SKP1: variants seen among roughly 807,000 people sequenced by gnomAD.
SKP1 encodes the protein S-phase kinase associated protein 1.
In SKP1, 1 loss-of-function variant was observed where a neutral mutation model predicts 21.5. That is an observed-to-expected ratio of 0.05 (90% CI 0.02 to 0.22). The LOEUF is 0.22. Among genes scored for constraint, SKP1 ranks in the 10% least tolerant of loss-of-function variants. The pLI is 1.00. For synonymous variants in SKP1, 59 were observed against 59.3 expected, an observed-to-expected ratio of 0.99 and a Z score of 0.03; for missense variants, 70 against 192.0, an observed-to-expected ratio of 0.36 and a Z score of 3.76.
intron 2 of SKP1, among the ~76,000 whole-genome samples, chr5:134,168,574 A>T (rs745587284): frequency 2.0e-5 from 3 of 152,202 alleles, no homozygotes; most frequent in Non-Finnish European, 2.9e-5. Flanking sequence ...GTTAAAGAAC[A>T]TGGGTTAAGG....
chr5:134,157,890 GAAC>G (rs1761148126), intron 5 of SKP1, 122 bp from the exon 6 acceptor site: 11 of 1,596,386 alleles, frequency 6.9e-6, no homozygotes, highest in African/African-American at 4.0e-5. Flanking sequence ...TGGAAAATTA[GAAC>G]AACACCAGGT....
At chr5:134,170,973 T>C (rs915178552) in intron 2 of SKP1, 1 of 454,226 alleles carries the variant, frequency 2.2e-6, no homozygotes, top group East Asian at 6.9e-5. Context: ...GACACTTGGA[T>C]TGCTTTCAGT....
chr5:134,172,688 A>T (rs1265740199), intron 2 of SKP1, among the ~76,000 whole-genome samples: 2 of 152,008 alleles, frequency 1.3e-5, no homozygotes, highest in South Asian at 2.1e-4. Context: ...TGCGAGAACA[A>T]CCAGGGTAAC....
intron 3 of SKP1, chr5:134,161,333 G>A: frequency 2.1e-6 from 1 of 472,382 alleles, no homozygotes; most frequent in Non-Finnish European, 3.7e-6. Context: ...ATAAAAGCAA[G>A]CCATGCAGAC....
At chr5:134,172,493 A>G (rs1382316916) in intron 2 of SKP1, among the ~76,000 whole-genome samples, 1 of 152,180 alleles carries the variant, frequency 6.6e-6, no homozygotes, top group Non-Finnish European at 1.5e-5. Flanking sequence ...CTGTTTTCTA[A>G]GTCACTTCCT....
At chr5:134,163,306 C>T (rs1761256749) in intron 3 of SKP1, among the ~76,000 whole-genome samples, 1 of 149,884 alleles carries the variant, frequency 6.7e-6, no homozygotes, top group South Asian at 2.1e-4. Context: ...AAACTAATGC[C>T]TAGGTTCACA....
At chr5:134,165,459 G>A (rs1278453960) in intron 3 of SKP1, among the ~76,000 whole-genome samples, 3 of 151,600 alleles carry the variant, frequency 2.0e-5, no homozygotes, top group African/African-American at 4.9e-5. Flanking sequence ...GCATGGTAGC[G>A]GGTGTCTGTA....
rs1561715514 is a variant in SKP1 at position 134,151,611 on chromosome 5, A to T, written c.*6122T>A. On this transcript the variant is annotated 3_prime_UTR_variant, in exon 6 of 6. Coordinates refer to ENST00000353411, the MANE Select transcript of SKP1 (RefSeq NM_170679.3). ...GCTATATAGCAGGTTGAAAATTTGA[A>T]GTTAAGAGATATCAGAAGGTCTGAA... 2.2e-6 allele frequency: 1 copy of T among 453,072 alleles called. No individual in the cohort carries two copies. Among genetic ancestry groups the T allele is most frequent in the Admixed American group, 2.4e-5 (1 of 42,150 alleles). The allele number at this position is 453,072 out of a possible 1,614,324, so 28.1% of individuals were successfully genotyped here. A position where few individuals can be genotyped will look rare whatever the true frequency, so the allele number is the denominator to read the frequency against.
At chr5:134,161,179 T>G (rs1193536440) in intron 3 of SKP1, 49 bp from the exon 4 acceptor site, 3 of 1,505,670 alleles carry the variant, frequency 2.0e-6, no homozygotes, top group Non-Finnish European at 2.7e-6. Flanking sequence ...CACAAGGTAC[T>G]CATTCCACTG....
Position 134,151,709 on chromosome 5 carries a change from C to T in SKP1, c.*6024G>A. ...GTCGCAAGAACTACAGATGTGGAAGCAGACACTGTTATGAGCAACTACATT... is the reference window on the plus strand; with the variant it reads ...GTCGCAAGAACTACAGATGTGGAAGTAGACACTGTTATGAGCAACTACATT... On this transcript the variant is annotated 3_prime_UTR_variant, in exon 6 of 6. Transcript: ENST00000353411. 2.2e-6 allele frequency: 1 copy of T among 456,108 alleles called. No individual in the cohort carries two copies. The highest frequency in any genetic ancestry group is 1.5e-5 in the South Asian group (1 of 64,558). The allele number at this position is 456,108 out of a possible 1,614,324, so 28.3% of individuals were successfully genotyped here.
intron 1 of SKP1, among the ~76,000 whole-genome samples, 155 bp from the exon 2 acceptor site, chr5:134,174,177 T>C (rs891492337): frequency 1.3e-5 from 2 of 152,244 alleles, no homozygotes; most frequent in Non-Finnish European, 2.9e-5. Context: ...TAAGCAGTTA[T>C]TCACAAGTTA....
intron 3 of SKP1, among the ~76,000 whole-genome samples, chr5:134,162,184 T>G (rs1335857150): frequency 6.6e-6 from 1 of 152,180 alleles, no homozygotes; most frequent in East Asian, 1.9e-4. Context: ...CATGGCTCAC[T>G]CGACCTCCTG....
intron 3 of SKP1, among the ~76,000 whole-genome samples, chr5:134,166,835 G>GT (rs879899779): frequency 6.6e-6 from 1 of 152,160 alleles, no homozygotes; most frequent in Non-Finnish European, 1.5e-5. Flanking sequence ...CTATTTAACA[G>GT]TATCTATCAA....
chr5:134,172,571 TAA>T (rs11458283), intron 2 of SKP1, among the ~76,000 whole-genome samples: 13 of 142,378 alleles, frequency 9.1e-5, no homozygotes, highest in Non-Finnish European at 9.3e-5. Context: ...AAAGCTTGTT[TAA>T]AAAAAAAAAA....
intron 3 of SKP1, among the ~76,000 whole-genome samples, chr5:134,163,466 T>C (rs1271422564): frequency 1.3e-5 from 2 of 150,740 alleles, no homozygotes; most frequent in Non-Finnish European, 3.0e-5. Flanking sequence ...AAATATGATA[T>C]ATATTCAATA....
chr5:134,149,766 T>TA lies in SKP1; in HGVS notation c.*7966dup, dbSNP rs1392422728. 2 of 122,700 alleles carry TA rather than the reference T, an allele frequency of 1.6e-5. No homozygotes were observed. The highest frequency in any genetic ancestry group is 2.1e-4 in the East Asian group (1 of 4,664). 7.6% of individuals were successfully genotyped at this position (122,700 alleles called of 1,614,324 possible). A position where few individuals can be genotyped will look rare whatever the true frequency, so the allele number is the denominator to read the frequency against. On this transcript the variant is annotated 3_prime_UTR_variant, in exon 6 of 6. Coordinates refer to ENST00000353411, the MANE Select transcript of SKP1 (RefSeq NM_170679.3). ...GCTGCATCTGATTTGGTGTCTCACT[T>TA]AGAGTACACAGGGTACCTGAACAAT...
rs182376883 is a variant in SKP1, at chr5:134,150,024, A to T, written c.*7709T>A. ...AACCAACCCTGTTTCCTGAGACATC[A>T]TAAGACAAGATACCTTAGCCTCCCT... On this transcript the variant is annotated 3_prime_UTR_variant, in exon 6 of 6. Coordinates refer to ENST00000353411, the MANE Select transcript of SKP1 (RefSeq NM_170679.3). 6.6e-6 allele frequency: 1 copy of T among 152,170 alleles called. No individual in the cohort carries two copies. The highest frequency in any genetic ancestry group is 1.5e-5 in the Non-Finnish European group (1 of 68,046). The allele number at this position is 152,170 out of a possible 1,614,324, so 9.4% of individuals were successfully genotyped here.
intron 2 of SKP1, among the ~76,000 whole-genome samples, chr5:134,170,444 C>A (rs1213042487): frequency 1.3e-5 from 2 of 152,170 alleles, no homozygotes; most frequent in Non-Finnish European, 2.9e-5. Context: ...TGATACTGTA[C>A]CCTGGACCTG....
At position 134,156,260 on chromosome 5, in the gene SKP1, A is replaced by G. The variant is rs1761118947; in HGVS notation, c.*1473T>C. ...TCTCCTGAGAGAGAGAGAGAGAGAG[A>G]GAGAGAATTTTAAATAACTCTTTAC... On this transcript the variant is annotated 3_prime_UTR_variant, in exon 6 of 6. Coordinates refer to ENST00000353411, the MANE Select transcript of SKP1 (RefSeq NM_170679.3). 6.6e-6 allele frequency: 1 copy of G among 152,174 alleles called. No individual in the cohort carries two copies. Among genetic ancestry groups the G allele is most frequent in the Admixed American group, 6.5e-5 (1 of 15,274 alleles). 9.4% of individuals were successfully genotyped at this position (152,174 alleles called of 1,614,324 possible).
Sources: allele counts gnomAD v4.1 joint callset (sites outside exome capture counted in the v4.1 genomes callset), GRCh38; gene constraint gnomAD v4.1.1; transcripts MANE v1.5; gene names NCBI Gene and HGNC (gene_info 2026-07-23, HGNC 2026-07-21).